XPOT: variants seen among roughly 807,000 people sequenced by gnomAD.
The protein encoded by XPOT is exportin for tRNA.
A neutral mutation model predicts 128.2 loss-of-function variants in XPOT; 34 were observed. The ratio of observed to expected loss-of-function variants is 0.27; its 90% CI spans 0.20 to 0.35. The LOEUF (loss-of-function observed/expected upper bound fraction) is 0.35. Among genes scored for constraint, XPOT ranks in the 10% least tolerant of loss-of-function variants. The probability of loss-of-function intolerance (pLI) is 1.00; values close to 1 mark genes in which losing one functional copy is unlikely to be tolerated. For missense variants in XPOT, 838 were observed against 1,125.3 expected (o/e 0.74, Z 3.65); for synonymous variants, 348 against 394.3 (o/e 0.88, Z 1.39).
chr12:64,425,540 C>A, intron 14 of XPOT, 83 bp downstream of exon 14: 1 of 1,522,490 alleles, frequency 6.6e-7, no homozygotes, highest in Non-Finnish European at 8.9e-7. Flanking sequence ...CTGTCTATAA[C>A]TTTTCTCAGA....
chr12:64,418,805 A>G (rs1464041343), intron 5 of XPOT, 71 bp from the exon 6 acceptor site: 4 of 1,441,702 alleles, frequency 2.8e-6, no homozygotes, highest in African/African-American at 1.4e-5. Context: ...TTGCCTTTTA[A>G]TAAGACAACT....
In XPOT at chr12:64,425,070, A is replaced by G; in HGVS notation, c.1340A>G (p.Glu447Gly). 1 of 1,613,070 alleles carries G rather than the reference A, an allele frequency of 6.2e-7. No homozygotes were observed. The highest frequency in any genetic ancestry group is 1.1e-5 in the South Asian group (1 of 91,032). Residue 447 changes from glutamate to glycine, a missense_variant, in exon 13 of 25, where the codon GAA (glutamate) becomes GGA (glycine). By Grantham distance (98) the Glu-to-Gly change is moderately conservative. Coordinates refer to ENST00000332707, the MANE Select transcript of XPOT (RefSeq NM_007235.6). ...NWQTTRFMEV[E>G]VAIRLLYMLA... The stretch of plus-strand genomic sequence containing the variant: ...CAGACTACACGGTTTATGGAAGTTG[A>G]AGTAGCAATAAGATTGCTGTATATG...
chr12:64,430,300 A>C lies in XPOT; in HGVS notation c.1976+13A>C. On this transcript the variant is annotated intron_variant, in intron 17 of 24. Coordinates refer to ENST00000332707, the MANE Select transcript of XPOT (RefSeq NM_007235.6). Reference sequence around the variant, plus strand: ...TTGGATTTGCAAGGTAAGTGTGATCACAGTTAAAATTATAAAGTGCATGTA... The same window carrying C: ...TTGGATTTGCAAGGTAAGTGTGATCCCAGTTAAAATTATAAAGTGCATGTA... 7 of 1,540,964 alleles carry C rather than the reference A, an allele frequency of 4.5e-6. No homozygotes were observed. The highest frequency in any genetic ancestry group is 6.1e-6 in the Non-Finnish European group (7 of 1,147,794).
In XPOT at chr12:64,434,885, C is replaced by T; in HGVS notation, c.2661C>T (p.Asp887=). The T allele has an allele frequency of 6.2e-7, 1 of 1,612,436 alleles. No homozygotes were observed. The highest frequency in any genetic ancestry group is 8.5e-7 in the Non-Finnish European group (1 of 1,179,970). The change falls in exon 21 of 25, where the codon GAC becomes GAT. Residue 887 remains aspartate, a synonymous_variant. Transcript: ENST00000332707. ...TAGCACCTTTAAAACAAACCTTTGA[C>T]CTGGCAGATGCACAAACAGTATTGG... ...CFLAPLKQTF[D]LADAQTVLAL...
chr12:64,437,486 T>C (rs574296263), intron 22 of XPOT, among the ~76,000 whole-genome samples: 1 of 152,060 alleles, frequency 6.6e-6, no homozygotes, highest in Non-Finnish European at 1.5e-5. Flanking sequence ...CAAAGACAGA[T>C]TAGATTAGAT....
intron 18 of XPOT, among the ~76,000 whole-genome samples, chr12:64,433,047 C>T (rs2040252075): frequency 6.6e-6 from 1 of 152,118 alleles, no homozygotes; most frequent in Non-Finnish European, 1.5e-5. Flanking sequence ...TCAAGCAGTT[C>T]CCCTGCGTCA....
intron 16 of XPOT, among the ~76,000 whole-genome samples, chr12:64,429,689 C>T (rs943828109): frequency 1.3e-5 from 2 of 152,172 alleles, no homozygotes; most frequent in Admixed American, 6.5e-5. Flanking sequence ...GATCTGCCGG[C>T]CTCGGCCTCC....
chr12:64,432,018 A>G (rs2040243386), intron 18 of XPOT, among the ~76,000 whole-genome samples, 195 bp downstream of exon 18: 1 of 152,186 alleles, frequency 6.6e-6, no homozygotes, highest in Non-Finnish European at 1.5e-5. Context: ...TGCTTAATAG[A>G]TGTTTGAATA....
At chr12:64,440,755 G>A (rs2040318293) in intron 23 of XPOT, among the ~76,000 whole-genome samples, 1 of 152,194 alleles carries the variant, frequency 6.6e-6, no homozygotes, top group African/African-American at 2.4e-5. Flanking sequence ...TTTGTATTTG[G>A]AGAAGTCTAT....
Position 64,420,511 on chromosome 12 carries a change from G to A in XPOT, c.833G>A (p.Ser278Asn). The change falls in exon 8 of 25, where the codon AGC becomes AAC. Residue 278 changes from serine (S) to asparagine (N), a missense_variant. By Grantham distance (46) the Ser-to-Asn change is conservative (BLOSUM62 1). This residue lies in a region of XPOT where 761 missense variants were observed against 988.3 expected (regional missense o/e 0.77). Transcript: ENST00000332707. ...GTATTACAGTCTGCTGGGTTTTTCA[G>A]CATTGACCAGGTTGGTAAATTTATA... ...CQVLQSAGFF[S>N]IDQEEDVDFL... The A allele has an allele frequency of 6.2e-7, 1 of 1,609,872 alleles. No individual in the cohort carries two copies. The highest frequency in any genetic ancestry group is 8.5e-7 in the Non-Finnish European group (1 of 1,178,244).
At chr12:64,415,014 A>G (rs2136014692) in intron 3 of XPOT, 25 bp downstream of exon 3, 1 of 1,449,922 alleles carries the variant, frequency 6.9e-7, no homozygotes, top group East Asian at 2.3e-5. Context: ...AATTTGCATG[A>G]CAATTTAAAT....
Position 64,450,441 on chromosome 12 carries a change from G to T in XPOT, c.*2310G>T, listed in dbSNP as rs2040402138. ...ATTACAGGTATAAGCCACTGCACAC[G>T]GCCTTACTATGCTATCAATTCCATA... On this transcript the variant is annotated 3_prime_UTR_variant, in exon 25 of 25. Transcript: ENST00000332707. 1 of 151,998 alleles carries T rather than the reference G, an allele frequency of 6.6e-6. No individual in the cohort carries two copies. The highest frequency in any genetic ancestry group is 1.5e-5 in the Non-Finnish European group (1 of 68,004). The allele number at this position is 151,998 out of a possible 1,614,324, so 9.4% of individuals were successfully genotyped here.
Position 64,419,168 on chromosome 12 carries a change from G to T in XPOT, c.489+74G>T, listed in dbSNP as rs564422965. 24 of 1,243,352 alleles carry T rather than the reference G, an allele frequency of 1.9e-5. No homozygotes were observed. The South Asian group carries it at 3.4e-4, about 18-fold the overall frequency. The allele number at this position is 1,243,352 out of a possible 1,614,324, so 77.0% of individuals were successfully genotyped here. On this transcript the variant is annotated intron_variant, in intron 6 of 24. Coordinates refer to ENST00000332707, the MANE Select transcript of XPOT (RefSeq NM_007235.6). ...TGATAATGGGCACATAATAAAAAGA[G>T]CAGGGAAGTTTTCTTTCTTGAGGTA...
intron 9 of XPOT, among the ~76,000 whole-genome samples, chr12:64,422,374 GA>G (rs2040146374): frequency 6.6e-6 from 1 of 152,132 alleles, no homozygotes; most frequent in African/African-American, 2.4e-5. Context: ...ATGCAGTGTG[GA>G]AAGGTATGAT....
intron 2 of XPOT, among the ~76,000 whole-genome samples, chr12:64,411,573 A>C (rs907809367): frequency 6.6e-6 from 1 of 152,228 alleles, no homozygotes; most frequent in Non-Finnish European, 1.5e-5. Flanking sequence ...TCTGTCACAT[A>C]CGTGTTTTAA....
chr12:64,448,673 T>C lies in XPOT; in HGVS notation c.*542T>C, dbSNP rs2040384804. On this transcript the variant is annotated 3_prime_UTR_variant, in exon 25 of 25. Transcript: ENST00000332707. ...TATATATATATATAAAAATAAACTT[T>C]ACGTAGTGAAATCTTCCAAGTCTTT... 1.3e-5 allele frequency: 2 copies of C among 151,856 alleles called. No individual in the cohort carries two copies. Among genetic ancestry groups the C allele is most frequent in the Admixed American group, 6.6e-5 (1 of 15,258 alleles). The allele number at this position is 151,856 out of a possible 1,614,324, so 9.4% of individuals were successfully genotyped here. A position where few individuals can be genotyped will look rare whatever the true frequency, so the allele number is the denominator to read the frequency against.
intron 8 of XPOT, 60 bp from the exon 9 acceptor site, chr12:64,421,175 G>T: frequency 1.6e-6 from 2 of 1,247,850 alleles, no homozygotes. Flanking sequence ...TTAAAGTTCA[G>T]TTTTTCCTCT....
chr12:64,447,281 G>A (rs1475287383), intron 24 of XPOT, among the ~76,000 whole-genome samples: 1 of 152,170 alleles, frequency 6.6e-6, no homozygotes, highest in African/African-American at 2.4e-5. Flanking sequence ...TGAGAACACT[G>A]AATTATGTCT....
chr12:64,407,727 G>A (rs1269433654), intron 1 of XPOT, among the ~76,000 whole-genome samples: 1 of 152,182 alleles, frequency 6.6e-6, no homozygotes, highest in African/African-American at 2.4e-5. Flanking sequence ...CTGCCATATG[G>A]TTCACTAGCA....
Sources: allele counts gnomAD v4.1 joint callset (sites outside exome capture counted in the v4.1 genomes callset), GRCh38; gene constraint gnomAD v4.1.1; regional missense constraint gnomAD v4.1.1; transcripts MANE v1.5; gene names NCBI Gene and HGNC (gene_info 2026-07-23, HGNC 2026-07-21).